Variants in EIF4G3 observed in about 807,000 individuals in gnomAD.
The protein encoded by EIF4G3 is eIF-4-gamma 3.
Under a neutral mutation model 186.4 loss-of-function variants are expected in EIF4G3, and 34 were observed. The observed-to-expected ratio is 0.18, with a 90% CI of 0.14 to 0.24. EIF4G3 has a LOEUF of 0.24. EIF4G3 is among the 10% of genes least tolerant of loss of function. EIF4G3 has a pLI of 1.00. For missense variants in EIF4G3, 1,536 were observed against 1,948.5 expected (o/e 0.79, Z 3.99); for synonymous variants, 673 against 679.5 (o/e 0.99, Z 0.15).
intron 14 of EIF4G3, among the ~76,000 whole-genome samples, chr1:20,913,920 C>T (rs577233236): frequency 6.7e-6 from 1 of 149,842 alleles, no homozygotes; most frequent in Admixed American, 6.8e-5. Flanking sequence ...CATTCTCCTG[C>T]TTCAGCCTCC....
At chr1:20,887,730 A>G (rs2084691037) in intron 18 of EIF4G3, among the ~76,000 whole-genome samples, 1 of 152,142 alleles carries the variant, frequency 6.6e-6, no homozygotes, top group Admixed American at 6.5e-5. Flanking sequence ...AAAGATCATC[A>G]GATTGGAAAA....
rs560654918 is a variant in EIF4G3, at chr1:21,009,368, T to C, written c.-66-6560A>G. 1.3e-4 allele frequency among the ~76,000 whole-genome samples: 20 copies of C among 152,142 alleles called. No homozygotes were observed. In the South Asian group the frequency reaches 3.7e-3, roughly 28 times the overall value. ...CTAATTTTTGAATTTTTCGTGGAGA[T>C]AGGGTCTTGCCAATGTTGCCCAGTC... On this transcript the variant is annotated intron_variant, in intron 4 of 36. Coordinates refer to ENST00000602326, the MANE Select transcript of EIF4G3 (RefSeq NM_001391906.1).
rs1363674757 is a variant in EIF4G3, at chr1:20,810,159, ATT to A, written c.4744+577_4744+578del. ...ACCTAGCCAATTTTTGTATTTTTGT[ATT>A]TTTTTTTTTTTTGAGATAGAGTCTC... On this transcript the variant is annotated intron_variant, in intron 36 of 36. Transcript: ENST00000602326. The surrounding 1 kb of genome is among the most constrained non-coding windows in gnomAD (Gnocchi z 4.1). Among the ~76,000 whole-genome samples the A allele has an allele frequency of 1.1e-4, 15 of 134,264 alleles. No homozygotes were observed. The highest frequency in any genetic ancestry group is 7.5e-5 in the Admixed American group (1 of 13,416). The allele number at this position is 134,264 out of a possible 152,430, so 88.1% of individuals were successfully genotyped here.
chr1:21,021,618 C>T (rs1004672584), intron 4 of EIF4G3, among the ~76,000 whole-genome samples: 1 of 151,968 alleles, frequency 6.6e-6, no homozygotes, highest in Non-Finnish European at 1.5e-5. Context: ...TGCAGGGGTG[C>T]AATCTCGGCT....
intron 14 of EIF4G3, among the ~76,000 whole-genome samples, chr1:20,908,079 C>G (rs61781102): frequency 1.3e-5 from 2 of 152,086 alleles, no homozygotes; most frequent in Non-Finnish European, 2.9e-5. Context: ...TTTTAATGAT[C>G]GCCATTCTAA....
intron 14 of EIF4G3, among the ~76,000 whole-genome samples, chr1:20,939,210 T>TAA (rs2095623656): frequency 6.6e-6 from 1 of 150,668 alleles, no homozygotes; most frequent in Admixed American, 6.6e-5. Flanking sequence ...AAGGAAATTA[T>TAA]AAAACTTGTA....
At chr1:21,104,225 A>T (rs2096575813) in intron 2 of EIF4G3, among the ~76,000 whole-genome samples, 1 of 152,206 alleles carries the variant, frequency 6.6e-6, no homozygotes, top group Non-Finnish European at 1.5e-5. Flanking sequence ...AATGCTTAAA[A>T]GTCTTCTTGA....
chr1:20,976,802 C>T (rs2076946128), intron 10 of EIF4G3, among the ~76,000 whole-genome samples: 1 of 152,162 alleles, frequency 6.6e-6, no homozygotes, highest in Non-Finnish European at 1.5e-5. Flanking sequence ...CTTTGGAAGG[C>T]CAAGGCAGGC....
intron 33 of EIF4G3, among the ~76,000 whole-genome samples, chr1:20,819,443 A>ATATTTATTTATTTATT (rs71585785): frequency 4.1e-5 from 6 of 145,232 alleles, no homozygotes; most frequent in African/African-American, 1.5e-4. Context: ...CTGAAGTCTC[A>ATATTTATTTATTTATT]TATTTATTTA....
At chr1:21,060,476 G>A (rs2094833392) in intron 3 of EIF4G3, among the ~76,000 whole-genome samples, 1 of 152,132 alleles carries the variant, frequency 6.6e-6, no homozygotes, top group South Asian at 2.1e-4. Flanking sequence ...AAGGACTTAG[G>A]GTTTTATTCT....
At chr1:21,019,740 T>C (rs2090195251) in intron 4 of EIF4G3, among the ~76,000 whole-genome samples, 1 of 151,978 alleles carries the variant, frequency 6.6e-6, no homozygotes. Context: ...AAAAATTAGC[T>C]GGGCGTGGTG....
chr1:21,099,939 T>C (rs977646247), intron 2 of EIF4G3, among the ~76,000 whole-genome samples: 1 of 152,202 alleles, frequency 6.6e-6, no homozygotes, highest in South Asian at 2.1e-4. Flanking sequence ...ATCAGCATTA[T>C]ATATAATAGC....
chr1:21,154,794 T>C (rs192401707), intron 2 of EIF4G3, among the ~76,000 whole-genome samples: 261 of 152,338 alleles, frequency 1.7e-3, no homozygotes, highest in Non-Finnish European at 3.2e-3. Flanking sequence ...TATATCTCTT[T>C]AGCAGTATGA....
At chr1:20,831,540 CTTTTTTTT>C (rs560510994) in intron 30 of EIF4G3, among the ~76,000 whole-genome samples, 1 of 132,230 alleles carries the variant, frequency 7.6e-6, no homozygotes, top group Admixed American at 7.5e-5. Context: ...TTGCATTTTT[CTTTTTTTT>C]TTTTTATGTT....
At chr1:20,837,401 T>C (rs1020965203) in intron 30 of EIF4G3, among the ~76,000 whole-genome samples, 2 of 152,168 alleles carry the variant, frequency 1.3e-5, no homozygotes, top group Non-Finnish European at 2.9e-5. Flanking sequence ...AGACGGGGTT[T>C]CACCATGTTA....
In EIF4G3 at chr1:20,807,057, A is replaced by G. The variant is rs982001930; in HGVS notation, c.*262T>C. 9.1e-5 allele frequency: 23 copies of G among 252,756 alleles called. No individual in the cohort carries two copies. In the East Asian group the frequency reaches 1.2e-3, roughly 13 times the overall value. The allele number at this position is 252,756 out of a possible 1,614,324, so 15.7% of individuals were successfully genotyped here. The stretch of plus-strand genomic sequence containing the variant: ...AAGTATGAGTCCTTGTTTAAAAAGA[A>G]AAGATTAAAACAGAAAATATTTTCT... On this transcript the variant is annotated 3_prime_UTR_variant, in exon 37 of 37. Transcript: ENST00000602326.
chr1:20,885,436 G>A (rs934810709), intron 19 of EIF4G3, among the ~76,000 whole-genome samples: 2 of 152,296 alleles, frequency 1.3e-5, no homozygotes, highest in South Asian at 4.1e-4. Flanking sequence ...CTCCAGAGCT[G>A]GAACTTTGAA....
intron 4 of EIF4G3, among the ~76,000 whole-genome samples, chr1:21,024,450 G>C (rs1446514848): frequency 5.4e-5 from 8 of 149,510 alleles, no homozygotes; most frequent in Non-Finnish European, 9.1e-5. Flanking sequence ...GAATAGAAAG[G>C]GGGGAAAGGT....
chr1:20,914,717 T>G (rs2093667257), intron 14 of EIF4G3, among the ~76,000 whole-genome samples: 1 of 152,240 alleles, frequency 6.6e-6, no homozygotes, highest in Admixed American at 6.5e-5. Flanking sequence ...ATTTCTTCTT[T>G]GACCTCTGCG....
Sources: allele counts gnomAD v4.1 joint callset (sites outside exome capture counted in the v4.1 genomes callset), GRCh38; gene constraint gnomAD v4.1.1; non-coding constraint Gnocchi (gnomAD v3.1); transcripts MANE v1.5; gene names NCBI Gene and HGNC (gene_info 2026-07-23, HGNC 2026-07-21).